MAP3K15: variants seen among roughly 807,000 people sequenced by gnomAD.
The protein encoded by MAP3K15 is MAPK/ERK kinase kinase 15.
MAP3K15 carries 124 observed loss-of-function variants against 99.5 expected under a neutral mutation model. The observed-to-expected ratio is 1.25, with a 90% CI of 1.08 to 1.45. The LOEUF is 1.45. MAP3K15 is among the 40% of genes most tolerant of loss of function. The pLI is 0.00. For missense variants in MAP3K15, 1,242 were observed against 1,079.7 expected (o/e 1.15, Z -2.11); for synonymous variants, 494 against 439.6 (o/e 1.12, Z -1.55).
chrX:19,480,222 G>C (rs1251521552), intron 3 of MAP3K15, among the ~76,000 whole-genome samples: 2 of 111,650 alleles, frequency 1.8e-5, no homozygotes, highest in Non-Finnish European at 3.8e-5. Flanking sequence ...GCAATCTACA[G>C]ATACGATGCA....
At chrX:19,411,011 C>G (rs997180112) in intron 11 of MAP3K15, among the ~76,000 whole-genome samples, 5 of 110,309 alleles carry the variant, frequency 4.5e-5, no homozygotes, top group African/African-American at 1.7e-4. Context: ...TGCTGAAACC[C>G]CGTCTCTACT....
At position 19,373,666 on chromosome X, in the gene MAP3K15, G is replaced by T. The variant is rs756780481; in HGVS notation, c.2803C>A (p.Pro935Thr). The part of the protein sequence containing the change: ...EGPRGVVLAL[P>T]TQGEPMATSS... ...GTGGCCATGGGCTCTCCCTGTGTGG[G>T]CAGGGCCAGGACGACACCGCGGGGA... The change falls in exon 21 of 29, where the codon CCC becomes ACC. Residue 935 changes from proline to threonine, a missense_variant. Pro to Thr is a conservative substitution (Grantham distance 38). Transcript: ENST00000338883. 1.7e-6 allele frequency: 2 copies of T among 1,201,080 alleles called. No homozygotes were observed. The highest frequency in any genetic ancestry group is 2.2e-6 in the Non-Finnish European group (2 of 893,938).
At position 19,515,011 on chromosome X, in the gene MAP3K15, C is replaced by T; in HGVS notation, c.251G>A (p.Arg84Gln). The T allele has an allele frequency of 2.7e-6, 3 of 1,093,293 alleles. No individual in the cohort carries two copies. Among genetic ancestry groups the T allele is most frequent in the South Asian group, 4.2e-5 (2 of 47,874 alleles). The allele number at this position is 1,093,293 out of a possible 1,213,427, so 90.1% of individuals were successfully genotyped here. ...GAAGGPEAGA[R>Q]QCLLRACEAE... is the part of the protein sequence containing the mutation. ...CTCGCAGGCCCGCAGCAGGCACTGCCGCGCCCCAGCCTCCGGGCCGCCGGC... is the reference window on the plus strand; with the variant it reads ...CTCGCAGGCCCGCAGCAGGCACTGCTGCGCCCCAGCCTCCGGGCCGCCGGC... Residue 84 changes from arginine (R) to glutamine (Q), a missense_variant, in exon 1 of 29, where the codon CGG becomes CAG. Coordinates refer to ENST00000338883, the MANE Select transcript of MAP3K15 (RefSeq NM_001001671.4).
At chrX:19,452,393 A>AAGAAAAG (rs2064060562) in intron 6 of MAP3K15, among the ~76,000 whole-genome samples, 1 of 3,826 alleles carries the variant, frequency 2.6e-4, no homozygotes, top group Admixed American at 2.7e-3. Context: ...GAAAAGAGAA[A>AAGAAAAG]AGAAAAGAAA....
chrX:19,391,532 G>C (rs935429335), intron 18 of MAP3K15, among the ~76,000 whole-genome samples: 1 of 107,871 alleles, frequency 9.3e-6, no homozygotes, highest in African/African-American at 3.4e-5. Flanking sequence ...AGAAAATTAG[G>C]TGTGGTAGGG....
intron 3 of MAP3K15, 74 bp from the exon 4 acceptor site, chrX:19,464,480 G>A: frequency 1.3e-6 from 1 of 778,684 alleles, no homozygotes; most frequent in Non-Finnish European, 1.8e-6. Context: ...GTGGCGCCTG[G>A]TGGGACAGGC....
intron 3 of MAP3K15, among the ~76,000 whole-genome samples, chrX:19,472,084 C>T (rs965408070): frequency 5.5e-5 from 6 of 109,993 alleles, no homozygotes; most frequent in Non-Finnish European, 1.1e-4. Flanking sequence ...ATTAGCCGGG[C>T]GTAGTGGCAG....
Position 19,461,456 on chromosome X carries a change from C to G in MAP3K15, c.720-1303G>C, listed in dbSNP as rs771762423. ...CCTCAGGTGAGCAGCTAGATAAGCA[C>G]GAGGAAGCTTAAAAACACTTAAAGC... On this transcript the variant is annotated intron_variant, in intron 4 of 28. Transcript: ENST00000338883. 9.8e-5 allele frequency among the ~76,000 whole-genome samples: 11 copies of G among 112,332 alleles called. No homozygotes were observed. The East Asian group carries it at 1.1e-3, about 11-fold the overall frequency.
chrX:19,398,346 T>C lies in MAP3K15; in HGVS notation c.1946A>G (p.His649Arg), dbSNP rs2063583560. The C allele has an allele frequency of 8.3e-7, 1 of 1,211,475 alleles. No individual in the cohort carries two copies. The highest frequency in any genetic ancestry group is 1.8e-5 in the South Asian group (1 of 56,953). ...GACAACTCTCTCACCATTTGCATCA[T>C]GGTCATACTCATACTGAAGAAGGAA... ...DGDTLEYEYD[H>R]DANGERVVLG... Residue 649 changes from histidine (H) to arginine (R), a missense_variant, in exon 15 of 29, where the codon CAT (histidine) becomes CGT (arginine). Physicochemically the swap from His to Arg is conservative, Grantham distance 29. Transcript: ENST00000338883.
intron 3 of MAP3K15, among the ~76,000 whole-genome samples, chrX:19,467,124 T>A (rs1416958018): frequency 1.8e-5 from 2 of 111,642 alleles, no homozygotes; most frequent in Non-Finnish European, 3.8e-5. Flanking sequence ...AAAGTCTCTA[T>A]AAGTTGTCCT....
chrX:19,392,386 A>G lies in MAP3K15; in HGVS notation c.2282T>C (p.Leu761Pro). 1 of 1,210,020 alleles carries G rather than the reference A, an allele frequency of 8.3e-7. No individual in the cohort carries two copies. Among genetic ancestry groups the G allele is most frequent in the East Asian group, 3.0e-5 (1 of 33,840 alleles). ...GATCTGGTTTTCATGAAGATACTTA[A>G]GGCCCTCCAGGATCTGTTTGGTGTA... ...KFYTKQILEG[L>P]KYLHENQIVH... Residue 761 changes from leucine (L) to proline (P), a missense_variant, in exon 17 of 29, where the codon CTT becomes CCT. Coordinates refer to ENST00000338883, the MANE Select transcript of MAP3K15 (RefSeq NM_001001671.4).
chrX:19,400,589 C>G lies in MAP3K15; in HGVS notation c.1919G>C (p.Gly640Ala), dbSNP rs367550537. The G allele has an allele frequency of 1.7e-5, 20 of 1,200,803 alleles. No homozygotes were observed. The highest frequency in any genetic ancestry group is 2.1e-5 in the Non-Finnish European group (19 of 887,944). Residue 640 changes from glycine (G) to alanine (A), a missense_variant, in exon 14 of 29, where the codon GGA becomes GCA. By Grantham distance (60) the Gly-to-Ala change is moderately conservative. Transcript: ENST00000338883. ...STVELEGETD[G>A]DTLEYEYDHD... is the part of the protein sequence containing the mutation. ...TCCATGACTCACCTCCAAGGTGTCT[C>G]CATCGGTCTCTCCCTCCAGCTCCAC...
intron 9 of MAP3K15, 105 bp from the exon 10 acceptor site, chrX:19,415,362 A>G (rs761017483): frequency 6.6e-6 from 5 of 759,296 alleles, no homozygotes; most frequent in East Asian, 3.7e-5. Context: ...ACTTAAATTC[A>G]TATTATGTCA....
rs777842795 is a variant in MAP3K15, at chrX:19,479,082, A to AT, written c.525+7399dup. ...AATGTATTTCTTAGTCTTGGGGTAT[A>AT]TATGACACACATACATACACACATT... On this transcript the variant is annotated intron_variant, in intron 3 of 28. Transcript: ENST00000338883. Among the ~76,000 whole-genome samples the AT allele has an allele frequency of 2.2e-4, 25 of 111,868 alleles. 1 individual carries two copies. The highest frequency in any genetic ancestry group is 8.1e-4 in the African/African-American group (25 of 30,792).
intron 26 of MAP3K15, among the ~76,000 whole-genome samples, chrX:19,361,937 G>A (rs1165900005): frequency 8.9e-6 from 1 of 112,147 alleles, no homozygotes; most frequent in Non-Finnish European, 1.9e-5. Flanking sequence ...TAGTGTTGAG[G>A]TCAGAGCTTA....
intron 4 of MAP3K15, among the ~76,000 whole-genome samples, chrX:19,463,825 C>T (rs894681047): frequency 2.7e-5 from 3 of 110,671 alleles, no homozygotes; most frequent in African/African-American, 9.9e-5. Flanking sequence ...ATGAAGAGCC[C>T]CAACAGCCAC....
At chrX:19,425,896 A>C (rs1040382012) in intron 8 of MAP3K15, among the ~76,000 whole-genome samples, 15 of 111,619 alleles carry the variant, frequency 1.3e-4, no homozygotes, top group African/African-American at 4.9e-4. Context: ...AGGTAGGCGG[A>C]TCACTTGAGG....
At chrX:19,504,533 C>T (rs1167370166) in intron 1 of MAP3K15, among the ~76,000 whole-genome samples, 4 of 111,876 alleles carry the variant, frequency 3.6e-5, no homozygotes, top group African/African-American at 1.3e-4. Flanking sequence ...CCAGACATAA[C>T]TCACGTGAAA....
Position 19,464,409 on chromosome X carries a change from G to A in MAP3K15, c.526-3C>T. 1 of 1,171,405 alleles carries A rather than the reference G, an allele frequency of 8.5e-7. No individual in the cohort carries two copies. Among genetic ancestry groups the A allele is most frequent in the Non-Finnish European group, 1.1e-6 (1 of 875,424 alleles). ...AAATAATAATTTCCACTGGATGCCTGGAAAAAAGAAACAAAGATGTTCCAG... is the reference window on the plus strand; with the variant it reads ...AAATAATAATTTCCACTGGATGCCTAGAAAAAAGAAACAAAGATGTTCCAG... On this transcript the variant is annotated splice_region_variant and splice_polypyrimidine_tract_variant and intron_variant, in intron 3 of 28. Coordinates refer to ENST00000338883, the MANE Select transcript of MAP3K15 (RefSeq NM_001001671.4).
Sources: gnomAD v4.1 joint callset for allele counts (sites outside exome capture counted in the v4.1 genomes callset) on GRCh38, gnomAD v4.1.1 for gene constraint, MANE v1.5 for transcripts, NCBI Gene and HGNC (gene_info 2026-07-23, HGNC 2026-07-21) for gene names.